DDAH1: variants seen among roughly 807,000 people sequenced by gnomAD.
The protein encoded by DDAH1 is dimethylarginine dimethylaminohydrolase 1, also known as N(G),N(G)-dimethylarginine dimethylaminohydrolase 1.
Under a neutral mutation model 28.8 loss-of-function variants are expected in DDAH1, and 19 were observed. That is an observed-to-expected ratio of 0.66 (90% CI 0.46 to 0.97). The LOEUF is 0.97. Among genes scored for constraint, DDAH1 ranks in the 50% least tolerant of loss-of-function variants. The pLI, the probability that DDAH1 is intolerant of heterozygous loss-of-function variation, is 0.00. For synonymous variants in DDAH1, 153 were observed against 154.4 expected, an observed-to-expected ratio of 0.99 and a Z score of 0.07; for missense variants, 326 against 375.9, an observed-to-expected ratio of 0.87 and a Z score of 1.10.
chr1:85,437,696 A>G (rs1003920317), intron 1 of DDAH1, among the ~76,000 whole-genome samples: 1 of 152,236 alleles, frequency 6.6e-6, no homozygotes, highest in African/African-American at 2.4e-5. Flanking sequence ...GTCAAAAGTT[A>G]TATGCAGTTT....
chr1:85,329,087 C>T (rs913770993), intron 4 of DDAH1, among the ~76,000 whole-genome samples: 3 of 152,232 alleles, frequency 2.0e-5, no homozygotes, highest in African/African-American at 7.2e-5. Context: ...TGGGCAAATT[C>T]CCCACCTCTC....
At chr1:85,376,186 C>T (rs967102278) in intron 1 of DDAH1, among the ~76,000 whole-genome samples, 5 of 152,138 alleles carry the variant, frequency 3.3e-5, no homozygotes, top group Admixed American at 6.6e-5. Flanking sequence ...TTTTTAATAG[C>T]ATAACTAATT....
intron 1 of DDAH1, among the ~76,000 whole-genome samples, chr1:85,565,315 C>G (rs893988174): frequency 3.3e-5 from 5 of 152,122 alleles, no homozygotes; most frequent in African/African-American, 1.2e-4. Context: ...TACTGCCAAC[C>G]TAGAAGTCCA....
At chr1:85,333,847 G>A (rs899367993) in intron 4 of DDAH1, among the ~76,000 whole-genome samples, 5 of 152,126 alleles carry the variant, frequency 3.3e-5, no homozygotes, top group African/African-American at 9.7e-5. Flanking sequence ...GGTGAGAGAA[G>A]TTTAATGGCA....
intron 1 of DDAH1, among the ~76,000 whole-genome samples, chr1:85,520,175 A>G: frequency 6.6e-6 from 1 of 152,086 alleles, no homozygotes; most frequent in Non-Finnish European, 1.5e-5. Flanking sequence ...CTTAGCTCCT[A>G]ATCTTTTTCA....
At chr1:85,372,824 T>C (rs1361975121) in intron 1 of DDAH1, among the ~76,000 whole-genome samples, 1 of 152,118 alleles carries the variant, frequency 6.6e-6, no homozygotes, top group Non-Finnish European at 1.5e-5. Flanking sequence ...TTACTGTCTT[T>C]TTCCTTGAAC....
At chr1:85,529,855 G>A (rs1241721219) in intron 1 of DDAH1, among the ~76,000 whole-genome samples, 10 of 148,000 alleles carry the variant, frequency 6.8e-5, no homozygotes, top group Non-Finnish European at 1.3e-4. Context: ...ACTTTAACTA[G>A]TAGACCCATC....
At chr1:85,556,953 C>A (rs866308293) in intron 1 of DDAH1, among the ~76,000 whole-genome samples, 1 of 152,064 alleles carries the variant, frequency 6.6e-6, no homozygotes, top group South Asian at 2.1e-4. Flanking sequence ...CCTGTCTCTA[C>A]TGAAAACACA....
intron 4 of DDAH1, among the ~76,000 whole-genome samples, chr1:85,349,089 T>C (rs760095131): frequency 2.6e-5 from 4 of 152,206 alleles, no homozygotes; most frequent in Non-Finnish European, 5.9e-5. Flanking sequence ...ACACCATTTA[T>C]CAAATGTTTT....
chr1:85,506,450 T>G (rs1271963330), intron 1 of DDAH1, among the ~76,000 whole-genome samples: 1 of 152,242 alleles, frequency 6.6e-6, no homozygotes, highest in Non-Finnish European at 1.5e-5. Flanking sequence ...TATTTCTGAC[T>G]TAATGGAAAC....
intron 1 of DDAH1, among the ~76,000 whole-genome samples, chr1:85,423,184 A>C (rs986023865): frequency 6.6e-6 from 1 of 152,186 alleles, no homozygotes; most frequent in Non-Finnish European, 1.5e-5. Flanking sequence ...CTTTATAGGA[A>C]ATCTGGAGAT....
At chr1:85,384,266 AC>A (rs1032541146) in intron 1 of DDAH1, among the ~76,000 whole-genome samples, 2 of 152,148 alleles carry the variant, frequency 1.3e-5, no homozygotes, top group Non-Finnish European at 2.9e-5. Flanking sequence ...ATACATACCT[AC>A]CCAAAGACTC....
At chr1:85,487,746 GT>G (rs1656253487) in intron 2 of DDAH1, among the ~76,000 whole-genome samples, 1 of 151,968 alleles carries the variant, frequency 6.6e-6, no homozygotes, top group Non-Finnish European at 1.5e-5. Context: ...AATATTATCA[GT>G]TTCTCATTTA....
At chr1:85,389,346 T>G (rs997578532) in intron 1 of DDAH1, among the ~76,000 whole-genome samples, 6 of 152,220 alleles carry the variant, frequency 3.9e-5, no homozygotes, top group African/African-American at 1.4e-4. Flanking sequence ...CTTAGCATGG[T>G]GACCTACTCA....
intron 1 of DDAH1, among the ~76,000 whole-genome samples, chr1:85,509,537 C>T (rs2100748857): frequency 6.6e-6 from 1 of 152,288 alleles, no homozygotes; most frequent in South Asian, 2.1e-4. Context: ...TAACAAACTT[C>T]TCTGAGCTAA....
intron 1 of DDAH1, among the ~76,000 whole-genome samples, chr1:85,514,492 C>A (rs1657374707): frequency 6.8e-6 from 1 of 147,830 alleles, no homozygotes; most frequent in South Asian, 2.2e-4. Context: ...ATCAAACCTG[C>A]ACATTGTGCA....
intron 2 of DDAH1, among the ~76,000 whole-genome samples, chr1:85,475,823 G>C (rs748664439): frequency 1.2e-4 from 19 of 152,040 alleles, no homozygotes; most frequent in Non-Finnish European, 1.3e-4. Context: ...CTCTGAGGTG[G>C]TTGGGTTTTG....
chr1:85,572,049 G>T (rs2100568841), intron 1 of DDAH1, among the ~76,000 whole-genome samples: 1 of 152,270 alleles, frequency 6.6e-6, no homozygotes, highest in South Asian at 2.1e-4. Context: ...GGAGGTAGCA[G>T]CTCTGCCTGC....
At chr1:85,542,244 G>A (rs1658492146) in intron 1 of DDAH1, among the ~76,000 whole-genome samples, 1 of 152,108 alleles carries the variant, frequency 6.6e-6, no homozygotes, top group African/African-American at 2.4e-5. Context: ...CAAGTATGGG[G>A]CCATTCATAG....
Sources: allele counts gnomAD v4.1 joint callset (sites outside exome capture counted in the v4.1 genomes callset), GRCh38; gene constraint gnomAD v4.1.1; transcripts MANE v1.5; gene names NCBI Gene and HGNC (gene_info 2026-07-23, HGNC 2026-07-21).